PACRG: variants seen among roughly 807,000 people sequenced by gnomAD.
PACRG encodes the protein parkin coregulated.
PACRG carries 29 observed loss-of-function variants against 29.7 expected under a neutral mutation model. That is an observed-to-expected ratio of 0.98 (90% CI 0.73 to 1.33). The LOEUF is 1.33. PACRG is among the 40% of genes most tolerant of loss of function. PACRG has a pLI of 0.00. For missense variants in PACRG, 279 were observed against 316.2 expected (o/e 0.88, Z 0.89); for synonymous variants, 116 against 118.7 (o/e 0.98, Z 0.15).
At chr6:163,254,195 T>C (rs1783017858) in intron 4 of PACRG, among the ~76,000 whole-genome samples, 1 of 152,222 alleles carries the variant, frequency 6.6e-6, no homozygotes, top group African/African-American at 2.4e-5. Flanking sequence ...ATGTCTGATC[T>C]TAAAACTGAC....
At chr6:163,290,735 CG>C (rs1278981508) in intron 4 of PACRG, among the ~76,000 whole-genome samples, 2 of 152,210 alleles carry the variant, frequency 1.3e-5, no homozygotes, top group Non-Finnish European at 2.9e-5. Context: ...TTAGCACTGT[CG>C]CTATTACTGT....
rs144690987 is a variant in PACRG at position 163,089,136 on chromosome 6, C to T, written c.464-123C>T. 1.2e-4 allele frequency: 109 copies of T among 893,594 alleles called. 1 individual carries two copies. In the African/African-American group the frequency reaches 1.8e-3, roughly 14 times the overall value. 55.4% of individuals were successfully genotyped at this position (893,594 alleles called of 1,614,324 possible). ...CATCCAAAGCTATAATAATAAAGGC[C>T]CATTGGTCCCCAGTAGAGCACAGTT... On this transcript the variant is annotated intron_variant, in intron 3 of 4. Transcript: ENST00000366888.
intron 2 of PACRG, among the ~76,000 whole-genome samples, chr6:162,821,195 G>A (rs1787812524): frequency 6.6e-6 from 1 of 152,270 alleles, no homozygotes; most frequent in Middle Eastern, 3.4e-3. Context: ...TAGTGCAAAT[G>A]GTTCACTTTT....
intron 4 of PACRG, among the ~76,000 whole-genome samples, chr6:163,250,883 G>A (rs1223381388): frequency 2.9e-5 from 4 of 138,100 alleles, no homozygotes; most frequent in African/African-American, 1.1e-4. Context: ...AGAAATTGTT[G>A]TATATATATA....
intron 2 of PACRG, among the ~76,000 whole-genome samples, chr6:162,978,483 T>TACACACACACAC (rs34615004): frequency 6.6e-6 from 1 of 151,020 alleles, no homozygotes; most frequent in Admixed American, 6.6e-5. Context: ...CACACACACA[T>TACACACACACAC]ACACACACAC....
At chr6:163,003,774 G>C (rs1276637732) in intron 2 of PACRG, among the ~76,000 whole-genome samples, 1 of 152,082 alleles carries the variant, frequency 6.6e-6, no homozygotes, top group Non-Finnish European at 1.5e-5. Flanking sequence ...CCTGCCACCA[G>C]GTTAGGGGAT....
At chr6:162,996,540 A>C (rs928301866) in intron 2 of PACRG, among the ~76,000 whole-genome samples, 1 of 152,138 alleles carries the variant, frequency 6.6e-6, no homozygotes. Flanking sequence ...ATTCCACCAA[A>C]CTAGGGGAAT....
chr6:162,755,771 A>C (rs1435092694), intron 1 of PACRG, among the ~76,000 whole-genome samples: 1 of 152,126 alleles, frequency 6.6e-6, no homozygotes, highest in African/African-American at 2.4e-5. Context: ...ACTTATCACT[A>C]TAAATTTCCC....
chr6:163,106,229 G>A (rs184942198), intron 4 of PACRG, among the ~76,000 whole-genome samples: 3 of 152,294 alleles, frequency 2.0e-5, no homozygotes, highest in African/African-American at 7.2e-5. Context: ...GAGATAAAAA[G>A]TGATAACTTG....
upstream of PACRG, chr6:162,727,321 G>GGGGCGGCGGCGGGGCGAAGGTGAT: frequency 2.6e-6 from 1 of 380,912 alleles, no homozygotes; most frequent in South Asian, 3.8e-5. Flanking sequence ...GCGAAGGTGA[G>GGGGCGGCGGCGGGGCGAAGGTGAT]GGGCGGCGGC....
At chr6:163,031,526 A>T (rs1176420918) in intron 2 of PACRG, among the ~76,000 whole-genome samples, 1 of 152,274 alleles carries the variant, frequency 6.6e-6, no homozygotes, top group Non-Finnish European at 1.5e-5. Flanking sequence ...TAGTTCTTAC[A>T]ACATAACTTT....
At chr6:162,745,049 T>C (rs1313221452) in intron 1 of PACRG, among the ~76,000 whole-genome samples, 1 of 152,182 alleles carries the variant, frequency 6.6e-6, no homozygotes, top group African/African-American at 2.4e-5. Context: ...CTGGAAAATA[T>C]ATATTTATAC....
At chr6:162,797,238 G>A (rs1396901777) in intron 1 of PACRG, among the ~76,000 whole-genome samples, 1 of 152,156 alleles carries the variant, frequency 6.6e-6, no homozygotes, top group African/African-American at 2.4e-5. Flanking sequence ...TCATTCCACT[G>A]CACTGGGTGA....
intron 2 of PACRG, among the ~76,000 whole-genome samples, chr6:163,033,412 T>C (rs562414770): frequency 6.6e-6 from 1 of 152,238 alleles, no homozygotes; most frequent in Non-Finnish European, 1.5e-5. Flanking sequence ...TGTATAACCT[T>C]AAAGCATTTA....
At chr6:162,975,724 G>C (rs555074073) in intron 2 of PACRG, among the ~76,000 whole-genome samples, 11 of 152,026 alleles carry the variant, frequency 7.2e-5, no homozygotes, top group African/African-American at 2.4e-4. Context: ...TTTAGCTCTG[G>C]TTTTAGAAAA....
At chr6:163,273,670 C>T (rs1320970269) in intron 4 of PACRG, among the ~76,000 whole-genome samples, 4 of 151,784 alleles carry the variant, frequency 2.6e-5, no homozygotes, top group South Asian at 2.1e-4. Flanking sequence ...TGTTACTTTC[C>T]TCCCCCCTTG....
At chr6:162,740,024 A>G (rs1022986209) in intron 1 of PACRG, among the ~76,000 whole-genome samples, 7 of 151,886 alleles carry the variant, frequency 4.6e-5, no homozygotes, top group African/African-American at 1.7e-4. Flanking sequence ...CCATATGGAG[A>G]GCCACCAAGA....
chr6:163,038,034 T>C (rs879498893), intron 2 of PACRG, among the ~76,000 whole-genome samples: 4 of 152,222 alleles, frequency 2.6e-5, no homozygotes, highest in Admixed American at 6.5e-5. Flanking sequence ...TTCTAGATGG[T>C]TTACATGAAT....
chr6:162,867,844 G>T (rs756530238), intron 2 of PACRG, among the ~76,000 whole-genome samples: 3 of 152,098 alleles, frequency 2.0e-5, no homozygotes, highest in Non-Finnish European at 4.4e-5. Context: ...AGGCAGCGTC[G>T]TAGAGGGAAA....
Sources: allele counts gnomAD v4.1 joint callset (sites outside exome capture counted in the v4.1 genomes callset), GRCh38; gene constraint gnomAD v4.1.1; transcripts MANE v1.5; gene names NCBI Gene and HGNC (gene_info 2026-07-23, HGNC 2026-07-21).